SELENOP: variants seen among roughly 807,000 people sequenced by gnomAD.
SELENOP encodes the protein selenoprotein P, plasma, 1.
In SELENOP, 36 loss-of-function variants were observed where a neutral mutation model predicts 41.0. The observed-to-expected ratio is 0.88, with a 90% CI of 0.67 to 1.16. The LOEUF is 1.16. SELENOP is among the 50% of genes most tolerant of loss of function. The pLI, the probability that SELENOP is intolerant of heterozygous loss-of-function variation, is 0.00. For missense variants in SELENOP, 440 were observed against 454.2 expected, an observed-to-expected ratio of 0.97 and a Z score of 0.28; for synonymous variants, 144 against 150.8, an observed-to-expected ratio of 0.95 and a Z score of 0.33.
rs936515650 is a variant in SELENOP, at chr5:42,808,420, CTA to C, written c.-13-56_-13-55del. The stretch of plus-strand genomic sequence containing the variant: ...TTCATAGTTAACTTCACAGTCCTAA[CTA>C]TGAATTTCTATAAATCCTGCAGACA... On this transcript the variant is annotated intron_variant, in intron 1 of 4. Transcript: ENST00000514985. 3.0e-5 allele frequency: 17 copies of C among 573,766 alleles called. No individual in the cohort carries two copies. In the African/African-American group the frequency reaches 3.1e-4, roughly 10 times the overall value. The allele number at this position is 573,766 out of a possible 1,614,324, so 35.5% of individuals were successfully genotyped here.
chr5:42,810,712 C>G (rs1181760998), intron 1 of SELENOP: 1 of 608,880 alleles, frequency 1.6e-6, no homozygotes, highest in Non-Finnish European at 2.4e-6. Flanking sequence ...CCTGCCTTGG[C>G]CTCCCAAAGT....
At position 42,801,166 on chromosome 5, in the gene SELENOP, C is replaced by T. The variant is rs3877899; in HGVS notation, c.700G>A (p.Ala234Thr). Reference protein sequence around the residue: ...SENQQPGAPNAPTHPAPPGLH... With the variant: ...SENQQPGAPNTPTHPAPPGLH... ...CCTGGAGGAGCAGGATGAGTAGGAGCATTTGGTGCTCCTGGTTGCTGATTC... is the reference window on the plus strand; with the variant it reads ...CCTGGAGGAGCAGGATGAGTAGGAGTATTTGGTGCTCCTGGTTGCTGATTC... Residue 234 changes from alanine (A) to threonine (T), a missense_variant, in exon 5 of 5, where the codon GCT (alanine) becomes ACT (threonine). Coordinates refer to ENST00000514985, the MANE Select transcript of SELENOP (RefSeq NM_005410.4). 0.23 allele frequency: 366,790 copies of T among 1,613,784 alleles called. 44,356 individuals carry two copies. The highest frequency in any genetic ancestry group is 0.27 in the African/African-American group (20,006 of 74,902).
intron 3 of SELENOP, 63 bp from the exon 4 acceptor site, chr5:42,804,836 A>G: frequency 9.4e-7 from 1 of 1,062,418 alleles, no homozygotes; most frequent in South Asian, 1.4e-5. Flanking sequence ...CTACTCAAAT[A>G]CAGTCTGGGA....
Position 42,801,129 on chromosome 5 carries a change from T to G in SELENOP, c.737A>C (p.His246Pro). Residue 246 changes from histidine to proline, a missense_variant, in exon 5 of 5, where the codon CAC becomes CCC. By Grantham distance (77) the His-to-Pro change is moderately conservative (BLOSUM62 -2). Transcript: ENST00000514985. ...THPAPPGLHH[H>P]HKHKGQHRQG... ...CCTATGCTGACCCTTGTGCTTATGG[T>G]GGTGATGAAGGCCTGGAGGAGCAGG... The G allele has an allele frequency of 1.2e-6, 2 of 1,614,126 alleles. No homozygotes were observed. The highest frequency in any genetic ancestry group is 1.7e-6 in the Non-Finnish European group (2 of 1,180,030).
rs773275571 is a variant in SELENOP at position 42,807,122 on chromosome 5, G to A, written c.204-14C>T. 1.6e-6 allele frequency: 2 copies of A among 1,228,520 alleles called. No homozygotes were observed. The highest frequency in any genetic ancestry group is 2.3e-6 in the Non-Finnish European group (2 of 851,598). 76.1% of individuals were successfully genotyped at this position (1,228,520 alleles called of 1,614,324 possible). A position where few individuals can be genotyped will look rare whatever the true frequency, so the allele number is the denominator to read the frequency against. On this transcript the variant is annotated splice_polypyrimidine_tract_variant and intron_variant, in intron 2 of 4. Transcript: ENST00000514985. ...AGGTCTTCTAATCTAAAATATTTGG[G>A]AAGAAATACATAAAATGAATAATCT...
intron 4 of SELENOP, 42 bp from the exon 5 acceptor site, chr5:42,801,373 G>A: frequency 1.4e-6 from 2 of 1,425,360 alleles, no homozygotes; most frequent in Non-Finnish European, 1.9e-6. Flanking sequence ...AGCTTATAGA[G>A]ATAGGAATAA....
chr5:42,810,324 T>C (rs1760432022), intron 1 of SELENOP, among the ~76,000 whole-genome samples: 1 of 152,228 alleles, frequency 6.6e-6, no homozygotes. Context: ...TAATTCAAGC[T>C]GTTTTATTTC....
At chr5:42,811,613 A>G (rs1207182345) in intron 1 of SELENOP, among the ~76,000 whole-genome samples, 4 of 152,236 alleles carry the variant, frequency 2.6e-5, no homozygotes, top group African/African-American at 4.8e-5. Context: ...TGTGCAGAAG[A>G]CAGGGCAGAA....
At chr5:42,802,647 T>G (rs1760234114) in intron 4 of SELENOP, among the ~76,000 whole-genome samples, 1 of 152,196 alleles carries the variant, frequency 6.6e-6, no homozygotes, top group Non-Finnish European at 1.5e-5. Context: ...AGTCTCACTC[T>G]TTCGCCAGGC....
Position 42,808,281 on chromosome 5 carries a change from T to C in SELENOP, c.73A>G (p.Ser25Gly), listed in dbSNP as rs1322606110. ...PSGGTESQDQ[S>G]SLCKQPPAWS... ...GCTGGGGGTTGCTTACATAAGGAGC[T>C]TTGGTCCTGGCTCTCTGTTCCTCCC... The change falls in exon 2 of 5, where the codon AGC becomes GGC. Residue 25 changes from serine (S) to glycine (G), a missense_variant. Coordinates refer to ENST00000514985, the MANE Select transcript of SELENOP (RefSeq NM_005410.4). 2 of 1,566,228 alleles carry C rather than the reference T, an allele frequency of 1.3e-6. No individual in the cohort carries two copies. The highest frequency in any genetic ancestry group is 1.2e-5 in the South Asian group (1 of 83,932).
chr5:42,807,851 T>C (rs1461251940), intron 2 of SELENOP: 1 of 178,182 alleles, frequency 5.6e-6, no homozygotes. Context: ...AACTGTTCTA[T>C]TTGCAGAAGT....
chr5:42,804,655 C>T lies in SELENOP; in HGVS notation c.534+1G>A. 6.7e-7 allele frequency: 1 copy of T among 1,498,214 alleles called. No individual in the cohort carries two copies. Among genetic ancestry groups the T allele is most frequent in the African/African-American group, 1.4e-5 (1 of 71,684 alleles). 92.8% of individuals were successfully genotyped at this position (1,498,214 alleles called of 1,614,324 possible). On this transcript the variant is annotated splice_donor_variant, in intron 4 of 4. Transcript: ENST00000514985. LOFTEE classifies it high-confidence loss of function. Reference sequence around the variant, plus strand: ...CCCAGAAAAATAATTCAGAAAAATACCGTGAGAGAGCAGTTTCCACATTTC... The same window carrying T: ...CCCAGAAAAATAATTCAGAAAAATATCGTGAGAGAGCAGTTTCCACATTTC...
intron 1 of SELENOP, chr5:42,810,620 C>G (rs965299616): frequency 6.2e-6 from 1 of 160,312 alleles, no homozygotes; most frequent in African/African-American, 2.4e-5. Context: ...CCACCACGTC[C>G]TGCTAATTTT....
chr5:42,800,076 T>G lies in SELENOP; in HGVS notation c.*644A>C, dbSNP rs1760147225. On this transcript the variant is annotated 3_prime_UTR_variant, in exon 5 of 5. Coordinates refer to ENST00000514985, the MANE Select transcript of SELENOP (RefSeq NM_005410.4). Reference sequence around the variant, plus strand: ...AGACAATATTATCTTTCCCCTTATATCTTTTAAGACAGCCACTCAAGTTTT... The same window carrying G: ...AGACAATATTATCTTTCCCCTTATAGCTTTTAAGACAGCCACTCAAGTTTT... 1 of 262,162 alleles carries G rather than the reference T, an allele frequency of 3.8e-6. No individual in the cohort carries two copies. The highest frequency in any genetic ancestry group is 2.3e-5 in the African/African-American group (1 of 44,406). 16.2% of individuals were successfully genotyped at this position (262,162 alleles called of 1,614,324 possible).
chr5:42,808,005 C>CA (rs1561285814), intron 2 of SELENOP, 146 bp downstream of exon 2: 2 of 410,004 alleles, frequency 4.9e-6, no homozygotes, highest in Non-Finnish European at 8.4e-6. Flanking sequence ...TAGTTTCTCT[C>CA]TTCTAATATG....
At position 42,804,310 on chromosome 5, in the gene SELENOP, A is replaced by T. The variant is rs377495035; in HGVS notation, c.534+346T>A. ...CCCCGTCTCTACTAAAAATACAAAA[A>T]ATTAGCTGGGAGTAGTGGCGGACGC... On this transcript the variant is annotated intron_variant, in intron 4 of 4. Transcript: ENST00000514985. 1.4e-4 allele frequency among the ~76,000 whole-genome samples: 22 copies of T among 152,174 alleles called. No homozygotes were observed. In the East Asian group the frequency reaches 2.9e-3, roughly 20 times the overall value.
chr5:42,809,335 T>C (rs1760411241), intron 1 of SELENOP, among the ~76,000 whole-genome samples: 1 of 152,184 alleles, frequency 6.6e-6, no homozygotes, highest in South Asian at 2.1e-4. Context: ...AAAATGCTTT[T>C]AAATACCTGA....
intron 3 of SELENOP, chr5:42,806,377 A>T (rs1172632739): frequency 6.6e-6 from 1 of 152,406 alleles, no homozygotes; most frequent in Non-Finnish European, 1.5e-5. Flanking sequence ...TTGAATAATT[A>T]AATTTAAGAT....
Position 42,804,666 on chromosome 5 carries a change from CA to C in SELENOP, c.523del (p.Cys175AlafsTer?). On this transcript the variant is annotated frameshift_variant, in exon 4 of 5. Coordinates refer to ENST00000514985, the MANE Select transcript of SELENOP (RefSeq NM_005410.4). LOFTEE classifies it high-confidence loss of function. ...IAYCEKKCGNCSLTTLKDEDF... is the reference protein window; with the variant it reads ...IAYCEKKCGNXSLTTLKDEDF... The stretch of plus-strand genomic sequence containing the variant: ...AATTCAGAAAAATACCGTGAGAGAG[CA>C]GTTTCCACATTTCTTTTCACAGTAA... The C allele has an allele frequency of 6.5e-7, 1 of 1,548,670 alleles. No homozygotes were observed.
Sources: gnomAD v4.1 joint callset for allele counts (sites outside exome capture counted in the v4.1 genomes callset) on GRCh38, gnomAD v4.1.1 for gene constraint, MANE v1.5 for transcripts, NCBI Gene and HGNC (gene_info 2026-07-23, HGNC 2026-07-21) for gene names.